VPS54: variants seen among roughly 807,000 people sequenced by gnomAD.
The protein encoded by VPS54 is VPS54 subunit of GARP complex, also known as vacuolar protein sorting-associated protein 54.
Under a neutral mutation model 121.5 loss-of-function variants are expected in VPS54, and 45 were observed. That is an observed-to-expected ratio of 0.37 (90% CI 0.29 to 0.47). VPS54 has a LOEUF of 0.47. Ranked by LOEUF, VPS54 falls within the 20% of genes least tolerant of loss-of-function variation. The probability of loss-of-function intolerance (pLI) is 0.99; values close to 1 mark genes in which losing one functional copy is unlikely to be tolerated. For missense variants in VPS54, 1,090 were observed against 1,131.4 expected (o/e 0.96, Z 0.52); for synonymous variants, 371 against 385.8 (o/e 0.96, Z 0.45).
intron 1 of VPS54, among the ~76,000 whole-genome samples, chr2:64,013,302 G>A (rs913975688): frequency 6.6e-6 from 1 of 152,110 alleles, no homozygotes; most frequent in African/African-American, 2.4e-5. Context: ...GACCAATTCA[G>A]AATGTGGAAC....
At chr2:63,947,833 T>C (rs1229162139) in intron 8 of VPS54, among the ~76,000 whole-genome samples, 1 of 152,102 alleles carries the variant, frequency 6.6e-6, no homozygotes, top group African/African-American at 2.4e-5. Context: ...TGGGTTTTTT[T>C]TGGTTTTTGC....
chr2:63,923,587 C>T (rs1200966001), intron 12 of VPS54, among the ~76,000 whole-genome samples: 3 of 152,074 alleles, frequency 2.0e-5, no homozygotes, highest in African/African-American at 7.3e-5. Context: ...ATGTATATAT[C>T]ACATACATGT....
intron 8 of VPS54, among the ~76,000 whole-genome samples, chr2:63,948,647 C>G (rs1675102114): frequency 6.6e-6 from 1 of 152,034 alleles, no homozygotes. Context: ...GCAATCTTCC[C>G]ACCTCAGCCT....
At chr2:63,960,560 C>T (rs889209132) in intron 7 of VPS54, among the ~76,000 whole-genome samples, 5 of 152,128 alleles carry the variant, frequency 3.3e-5, no homozygotes, top group East Asian at 1.9e-4. Flanking sequence ...TTTGCCAAGG[C>T]GGCATTCAAT....
At chr2:63,929,735 C>G (rs896221348) in intron 12 of VPS54, among the ~76,000 whole-genome samples, 13 of 150,760 alleles carry the variant, frequency 8.6e-5, no homozygotes, top group Middle Eastern at 6.8e-3. Flanking sequence ...AATCCAGGAG[C>G]TGGTTTTTTG....
At chr2:63,934,827 T>G (rs902391690) in intron 11 of VPS54, among the ~76,000 whole-genome samples, 1 of 152,200 alleles carries the variant, frequency 6.6e-6, no homozygotes, top group Non-Finnish European at 1.5e-5. Context: ...CAGTAAATAT[T>G]GAAAGCTAGG....
chr2:64,016,133 C>A (rs116656153), intron 1 of VPS54, among the ~76,000 whole-genome samples: 2,002 of 152,246 alleles, frequency 0.013, 58 homozygotes, highest in African/African-American at 0.046. Context: ...AAGCTGATGA[C>A]CTTTAAGATC....
rs372947159 is a variant in VPS54, at chr2:63,905,687, C to A, written c.2626-6106G>T. ...TACTGTCCAACTCATTTTATGAGTC[C>A]AGTATTACTCTGATACCAAAATCAA... On this transcript the variant is annotated intron_variant, in intron 20 of 22. Transcript: ENST00000272322. Among the ~76,000 whole-genome samples the A allele has an allele frequency of 5.9e-5, 9 of 152,028 alleles. No homozygotes were observed. In the East Asian group the frequency reaches 1.3e-3, roughly 23 times the overall value.
intron 20 of VPS54, among the ~76,000 whole-genome samples, chr2:63,902,631 TGA>T (rs1017929104): frequency 6.6e-6 from 1 of 151,770 alleles, no homozygotes; most frequent in Non-Finnish European, 1.5e-5. Flanking sequence ...AGAACCAGAC[TGA>T]GAGAGAATCC....
chr2:63,970,313 A>AT (rs1312969372), intron 4 of VPS54, among the ~76,000 whole-genome samples: 2 of 148,276 alleles, frequency 1.3e-5, no homozygotes, highest in Admixed American at 6.8e-5. Context: ...AGATATAGAT[A>AT]AAACCCAGGC....
At chr2:63,938,343 T>C (rs999322164) in intron 11 of VPS54, among the ~76,000 whole-genome samples, 3 of 152,022 alleles carry the variant, frequency 2.0e-5, no homozygotes, top group Non-Finnish European at 4.4e-5. Context: ...AAAAATGTCT[T>C]CATATGCTAA....
intron 20 of VPS54, among the ~76,000 whole-genome samples, chr2:63,904,976 G>C (rs930852807): frequency 6.6e-6 from 1 of 151,958 alleles, no homozygotes; most frequent in African/African-American, 2.4e-5. Context: ...AATCACAAGA[G>C]CAATTAGAAA....
intron 15 of VPS54, among the ~76,000 whole-genome samples, chr2:63,918,645 A>G (rs7593707): frequency 0.032 from 4,799 of 151,950 alleles, 251 homozygotes; most frequent in African/African-American, 0.11. Context: ...CCCTATATCA[A>G]CTCATCTATT....
chr2:63,913,394 T>A, intron 17 of VPS54, 84 bp from the exon 18 acceptor site: 1 of 920,194 alleles, frequency 1.1e-6, no homozygotes, highest in Non-Finnish European at 1.6e-6. Flanking sequence ...TAAAAATACA[T>A]TCCCCTTTCC....
intron 3 of VPS54, among the ~76,000 whole-genome samples, chr2:63,973,062 A>T (rs1676359531): frequency 6.6e-6 from 1 of 152,206 alleles, no homozygotes; most frequent in South Asian, 2.1e-4. Flanking sequence ...GCAGCAGGCC[A>T]GCAGTGTTCA....
intron 1 of VPS54, among the ~76,000 whole-genome samples, chr2:63,999,584 T>C (rs1230248627): frequency 6.6e-6 from 1 of 152,182 alleles, no homozygotes; most frequent in Non-Finnish European, 1.5e-5. Context: ...TGGGTGAAAT[T>C]TGCTTAGTGT....
intron 21 of VPS54, among the ~76,000 whole-genome samples, chr2:63,898,740 C>G (rs1364537897): frequency 6.6e-6 from 1 of 151,614 alleles, no homozygotes; most frequent in Non-Finnish European, 1.5e-5. Context: ...ACCATTTATT[C>G]TACAAACCAG....
intron 12 of VPS54, among the ~76,000 whole-genome samples, chr2:63,932,080 TTGTGGAAGACAG>T (rs1042620428): frequency 6.6e-6 from 1 of 152,162 alleles, no homozygotes; most frequent in African/African-American, 2.4e-5. Context: ...AGTTCAACCA[TTGTGGAAGACAG>T]TGTGGCGATT....
intron 8 of VPS54, among the ~76,000 whole-genome samples, chr2:63,948,030 T>C (rs896369803): frequency 6.6e-6 from 1 of 152,116 alleles, no homozygotes; most frequent in Non-Finnish European, 1.5e-5. Context: ...GTAGACTCAC[T>C]GTGTTGCCCA....
Sources: gnomAD v4.1 joint callset for allele counts (sites outside exome capture counted in the v4.1 genomes callset) on GRCh38, gnomAD v4.1.1 for gene constraint, MANE v1.5 for transcripts, NCBI Gene and HGNC (gene_info 2026-07-23, HGNC 2026-07-21) for gene names.